The following GRIN2A variants were observed in gnomAD, a reference collection of about 807,000 sequenced individuals.
The protein encoded by GRIN2A is glutamate receptor ionotropic, NMDA 2A.
Under a neutral mutation model 113.4 loss-of-function variants are expected in GRIN2A, and 22 were observed. The ratio of observed to expected loss-of-function variants is 0.19; its 90% CI spans 0.14 to 0.28. The LOEUF (loss-of-function observed/expected upper bound fraction) is 0.28. Ranked by LOEUF, GRIN2A falls within the 10% of genes least tolerant of loss-of-function variation. GRIN2A has a pLI of 1.00. For synonymous variants in GRIN2A, 827 were observed against 738.4 expected, an observed-to-expected ratio of 1.12 and a Z score of -1.94; for missense variants, 1,502 against 1,887.0, an observed-to-expected ratio of 0.80 and a Z score of 3.78.
At chr16:10,091,085 A>G (rs2048175680) in intron 2 of GRIN2A, among the ~76,000 whole-genome samples, 1 of 152,232 alleles carries the variant, frequency 6.6e-6, no homozygotes, top group South Asian at 2.1e-4. Context: ...ACCCTTGTAC[A>G]TTGCTGATGG....
In GRIN2A at chr16:9,763,920, C is replaced by T. The variant is rs587780350; in HGVS notation, c.3624G>A (p.Arg1208=). The change falls in exon 13 of 13, where the codon CGG becomes CGA. Residue 1208 remains arginine (R), a synonymous_variant. Coordinates refer to ENST00000330684, the MANE Select transcript of GRIN2A (RefSeq NM_001134407.3). ...SPHSETSERY[R]QNSTHCRSCL... is the part of the protein sequence containing the mutation. ...AGCTTCTGCAGTGCGTGGAGTTCTG[C>T]CGGTATCGCTCGCTGGTCTCACTGT... is the stretch of plus-strand genomic sequence containing the variant. The T allele has an allele frequency of 3.1e-6, 5 of 1,614,074 alleles. No individual in the cohort carries two copies. The East Asian group carries it at 6.7e-5, about 22-fold the overall frequency.
intron 2 of GRIN2A, among the ~76,000 whole-genome samples, chr16:10,127,751 C>T (rs2048972705): frequency 6.6e-6 from 1 of 152,142 alleles, no homozygotes; most frequent in Admixed American, 6.5e-5. Context: ...GGGCCAGCAC[C>T]ACCGCTATCT....
chr16:9,827,749 G>A (rs1307192943), intron 9 of GRIN2A, among the ~76,000 whole-genome samples: 1 of 152,184 alleles, frequency 6.6e-6, no homozygotes, highest in Non-Finnish European at 1.5e-5. Flanking sequence ...GATCCCAGGA[G>A]ATCCAGGTGG....
chr16:10,107,313 G>A (rs77019969), intron 2 of GRIN2A, among the ~76,000 whole-genome samples: 29,689 of 152,116 alleles, frequency 0.2, 3,593 homozygotes, highest in East Asian at 0.44. Context: ...GGGTGGATCT[G>A]TCTCCCCCAA....
intron 10 of GRIN2A, among the ~76,000 whole-genome samples, chr16:9,800,122 C>T (rs1333318020): frequency 6.6e-6 from 1 of 151,990 alleles, no homozygotes; most frequent in African/African-American, 2.4e-5. Flanking sequence ...TTACAGGTGC[C>T]TGCCACCACT....
chr16:10,111,259 T>C (rs185436689), intron 2 of GRIN2A: 115 of 296,532 alleles, frequency 3.9e-4, no homozygotes, highest in African/African-American at 2.0e-3. Flanking sequence ...AGTGGTTAAA[T>C]AACCACCACT....
chr16:9,822,176 C>A, intron 10 of GRIN2A, 88 bp downstream of exon 10: 1 of 1,299,718 alleles, frequency 7.7e-7, no homozygotes, highest in Non-Finnish European at 1.1e-6. Context: ...ACAATGGGAG[C>A]AGATAGGAAC....
At chr16:10,044,007 G>GTGTGTATATATA (rs1555469968) in intron 2 of GRIN2A, among the ~76,000 whole-genome samples, 1 of 116,926 alleles carries the variant, frequency 8.6e-6, no homozygotes, top group African/African-American at 3.3e-5. Flanking sequence ...GTGTGTGTGT[G>GTGTGTATATATA]TATATATATA....
intron 2 of GRIN2A, among the ~76,000 whole-genome samples, chr16:10,079,503 G>A (rs951531849): frequency 1.3e-5 from 2 of 152,274 alleles, no homozygotes; most frequent in Middle Eastern, 6.8e-3. Context: ...GGTGTTAGGA[G>A]GTAGGGCCCT....
chr16:9,936,005 T>A (rs1479855604), intron 3 of GRIN2A, among the ~76,000 whole-genome samples: 1 of 152,180 alleles, frequency 6.6e-6, no homozygotes, highest in Non-Finnish European at 1.5e-5. Flanking sequence ...CCCAGCCTGC[T>A]GACTGTAATT....
At chr16:10,136,859 T>C (rs1349339203) in intron 2 of GRIN2A, among the ~76,000 whole-genome samples, 2 of 152,142 alleles carry the variant, frequency 1.3e-5, no homozygotes, top group Admixed American at 1.3e-4. Context: ...CTCCCAGTGG[T>C]TTGAGAAATG....
At chr16:9,983,426 G>C (rs2045926418) in intron 2 of GRIN2A, among the ~76,000 whole-genome samples, 1 of 151,608 alleles carries the variant, frequency 6.6e-6, no homozygotes, top group Non-Finnish European at 1.5e-5. Context: ...CGAATGACAA[G>C]ATGTTGTTAT....
chr16:9,953,625 C>T (rs1428377314), intron 2 of GRIN2A, among the ~76,000 whole-genome samples: 2 of 151,972 alleles, frequency 1.3e-5, no homozygotes, highest in African/African-American at 4.8e-5. Flanking sequence ...ATGGCATCCC[C>T]TAACAAAAGA....
At chr16:10,163,693 A>G (rs570985488) in intron 2 of GRIN2A, among the ~76,000 whole-genome samples, 1 of 151,360 alleles carries the variant, frequency 6.6e-6, no homozygotes, top group Non-Finnish European at 1.5e-5. Context: ...CAGGTGCTCC[A>G]GAATTCTACA....
At chr16:10,038,001 T>A (rs1034929946) in intron 2 of GRIN2A, among the ~76,000 whole-genome samples, 27 of 152,182 alleles carry the variant, frequency 1.8e-4, no homozygotes, top group African/African-American at 6.5e-4. Flanking sequence ...CCAGTCTACA[T>A]CATAATCCCC....
intron 2 of GRIN2A, among the ~76,000 whole-genome samples, chr16:9,963,466 G>A (rs1317371446): frequency 1.3e-5 from 2 of 151,908 alleles, no homozygotes; most frequent in Admixed American, 1.3e-4. Context: ...AGTGTGTGAT[G>A]TTCCTCTCCC....
intron 3 of GRIN2A, among the ~76,000 whole-genome samples, chr16:9,918,068 T>G (rs577616237): frequency 2.0e-5 from 3 of 152,336 alleles, no homozygotes; most frequent in Non-Finnish European, 4.4e-5. Flanking sequence ...CTGAGCTAAA[T>G]GTTTTACATG....
intron 2 of GRIN2A, 142 bp downstream of exon 2, chr16:10,179,856 C>G: frequency 1.3e-6 from 1 of 742,072 alleles, no homozygotes; most frequent in Non-Finnish European, 2.4e-6. Context: ...CTGGTTCTCA[C>G]CAGGGCCAGT....
chr16:9,807,533 A>G (rs1027159292), intron 10 of GRIN2A, among the ~76,000 whole-genome samples: 1 of 152,196 alleles, frequency 6.6e-6, no homozygotes, highest in Non-Finnish European at 1.5e-5. Context: ...GGAAGGATTG[A>G]AATGATTGTC....
Sources: gnomAD v4.1 joint callset for allele counts (sites outside exome capture counted in the v4.1 genomes callset) on GRCh38, gnomAD v4.1.1 for gene constraint, MANE v1.5 for transcripts, NCBI Gene and HGNC (gene_info 2026-07-23, HGNC 2026-07-21) for gene names.